Variants in CTNND2 observed in about 807,000 individuals in gnomAD.
The protein encoded by CTNND2 is catenin delta-2.
Under a neutral mutation model 144.4 loss-of-function variants are expected in CTNND2, and 22 were observed. That is an observed-to-expected ratio of 0.15 (90% CI 0.11 to 0.22). The LOEUF (loss-of-function observed/expected upper bound fraction) is 0.22. Among genes scored for constraint, CTNND2 ranks in the 10% least tolerant of loss-of-function variants. The pLI is 1.00. For synonymous variants in CTNND2, 751 were observed against 695.6 expected (o/e 1.08, Z -1.25); for missense variants, 1,353 against 1,618.8 (o/e 0.84, Z 2.82).
Position 11,027,610 on chromosome 5 carries a change from A to ATG in CTNND2, c.2789-4633_2789-4632dup, listed in dbSNP as rs142487986. ...CTTTGCTACCCTTTCCACTGTGTGT[A>ATG]TGTGTGTGTGTGTGTGTTTCCTTCA... On this transcript the variant is annotated intron_variant, in intron 16 of 21. Transcript: ENST00000304623. Among the ~76,000 whole-genome samples the ATG allele has an allele frequency of 1.6e-3, 240 of 151,320 alleles. No individual in the cohort carries two copies. The Middle Eastern group carries it at 0.017, about 11-fold the overall frequency.
intron 1 of CTNND2, among the ~76,000 whole-genome samples, chr5:11,738,839 T>C (rs545982024): frequency 6.6e-6 from 1 of 152,078 alleles, no homozygotes; most frequent in Non-Finnish European, 1.5e-5. Flanking sequence ...TTAGCTGCCC[T>C]CCCCTCTCTA....
In CTNND2 at chr5:11,384,482, A is replaced by G; in HGVS notation, c.1177+183T>C. On this transcript the variant is annotated intron_variant, in intron 7 of 21. Transcript: ENST00000304623. This position sits in a 1 kb window ranked among gnomAD's most constrained non-coding sequence, Gnocchi z 5.2. ...ACCACATTACTCCGGAAAAGAAGTC[A>G]CTGACAAACTGTAGGGAAGATACTG... is the stretch of plus-strand genomic sequence containing the variant. 1 of 599,044 alleles carries G rather than the reference A, an allele frequency of 1.7e-6. No homozygotes were observed. The highest frequency in any genetic ancestry group is 2.9e-6 in the Non-Finnish European group (1 of 340,554). 37.1% of individuals were successfully genotyped at this position (599,044 alleles called of 1,614,324 possible).
intron 9 of CTNND2, among the ~76,000 whole-genome samples, chr5:11,318,511 C>T (rs1396189599): frequency 6.6e-6 from 1 of 152,172 alleles, no homozygotes; most frequent in Non-Finnish European, 1.5e-5. Context: ...CAATCCTTAG[C>T]TCTTAGGCCC....
chr5:11,343,429 A>G (rs1754459332), intron 9 of CTNND2, among the ~76,000 whole-genome samples: 1 of 152,210 alleles, frequency 6.6e-6, no homozygotes, highest in African/African-American at 2.4e-5. Flanking sequence ...ACATCCAATA[A>G]GCAATCGATC....
At chr5:11,780,501 C>T (rs1790488735) in intron 1 of CTNND2, among the ~76,000 whole-genome samples, 1 of 152,176 alleles carries the variant, frequency 6.6e-6, no homozygotes, top group Admixed American at 6.5e-5. Flanking sequence ...TCTGCCCTCT[C>T]ACCTGGAGAG....
intron 10 of CTNND2, among the ~76,000 whole-genome samples, chr5:11,204,247 C>T (rs113280371): frequency 1.6e-3 from 243 of 152,302 alleles, no homozygotes; most frequent in African/African-American, 5.2e-3. Context: ...ACAGTGAGGG[C>T]ATTCTTGAAC....
chr5:11,603,917 T>G (rs1240083102), intron 2 of CTNND2, among the ~76,000 whole-genome samples: 3 of 152,214 alleles, frequency 2.0e-5, no homozygotes, highest in Non-Finnish European at 4.4e-5. Context: ...CAATTTTATC[T>G]CTTTTAAACA....
At chr5:11,705,285 T>C (rs1296646866) in intron 2 of CTNND2, among the ~76,000 whole-genome samples, 4 of 152,194 alleles carry the variant, frequency 2.6e-5, no homozygotes, top group African/African-American at 9.6e-5. Flanking sequence ...GTCTGAGCAC[T>C]ACGCCAGCCA....
chr5:11,509,789 A>G (rs546200503), intron 3 of CTNND2, among the ~76,000 whole-genome samples: 29 of 152,324 alleles, frequency 1.9e-4, no homozygotes, highest in African/African-American at 6.0e-4. Context: ...AGCTGTACCA[A>G]ACAGGTGCTA....
At chr5:11,054,471 G>A (rs1016345008) in intron 16 of CTNND2, among the ~76,000 whole-genome samples, 1 of 152,136 alleles carries the variant, frequency 6.6e-6, no homozygotes, top group African/African-American at 2.4e-5. Flanking sequence ...AGACAAGGGA[G>A]CAGTAAGAAG....
intron 1 of CTNND2, among the ~76,000 whole-genome samples, chr5:11,881,039 GTAC>G (rs561307219): frequency 4.2e-4 from 61 of 145,348 alleles, no homozygotes; most frequent in African/African-American, 1.5e-3. Flanking sequence ...ACTGCTACTA[GTAC>G]TACTACTACT....
At chr5:11,371,690 T>G (rs775388471) in intron 7 of CTNND2, among the ~76,000 whole-genome samples, 1 of 152,220 alleles carries the variant, frequency 6.6e-6, no homozygotes, top group Admixed American at 6.5e-5. Context: ...ATCAAGCCTA[T>G]CAACTGAATT....
At chr5:11,622,355 G>C (rs1321854234) in intron 2 of CTNND2, among the ~76,000 whole-genome samples, 1 of 151,956 alleles carries the variant, frequency 6.6e-6, no homozygotes, top group African/African-American at 2.4e-5. Context: ...CTTGATTGAG[G>C]GTAAGAAACT....
intron 3 of CTNND2, among the ~76,000 whole-genome samples, chr5:11,438,647 T>C (rs1041039585): frequency 6.6e-6 from 1 of 152,244 alleles, no homozygotes; most frequent in Non-Finnish European, 1.5e-5. Flanking sequence ...ATCTACAGTT[T>C]ATGAAAGGAG....
At chr5:11,192,312 C>T (rs1400511530) in intron 11 of CTNND2, among the ~76,000 whole-genome samples, 2 of 152,118 alleles carry the variant, frequency 1.3e-5, no homozygotes, top group African/African-American at 2.4e-5. Flanking sequence ...TGGCATCCCC[C>T]GACTAAATCC....
intron 9 of CTNND2, among the ~76,000 whole-genome samples, chr5:11,337,763 T>C (rs753906718): frequency 3.9e-5 from 6 of 152,186 alleles, no homozygotes; most frequent in Admixed American, 2.0e-4. Context: ...CTTAGCATTA[T>C]TGGGGACCTT....
In CTNND2 at chr5:11,697,117, T is replaced by G. The variant is rs192588030; in HGVS notation, c.174+35019A>C. 2.1e-4 allele frequency among the ~76,000 whole-genome samples: 32 copies of G among 152,316 alleles called. 1 individual carries two copies. The highest frequency in any genetic ancestry group is 7.2e-4 in the African/African-American group (30 of 41,574). On this transcript the variant is annotated intron_variant, in intron 2 of 21. Transcript: ENST00000304623. Reference sequence around the variant, plus strand: ...GGACAAATATCATTATGTATGTAAGTGATTAAAAATAGTGCCAGAATAAAT... The same window carrying G: ...GGACAAATATCATTATGTATGTAAGGGATTAAAAATAGTGCCAGAATAAAT...
intron 6 of CTNND2, among the ~76,000 whole-genome samples, chr5:11,395,215 T>A (rs1759978171): frequency 6.6e-6 from 1 of 152,214 alleles, no homozygotes; most frequent in Non-Finnish European, 1.5e-5. Flanking sequence ...GTTGAACGTT[T>A]CTCTGACATT....
intron 10 of CTNND2, among the ~76,000 whole-genome samples, chr5:11,216,413 G>C (rs1739204620): frequency 6.6e-6 from 1 of 152,238 alleles, no homozygotes; most frequent in Non-Finnish European, 1.5e-5. Context: ...AAGCCGAAGA[G>C]AGTGGCAGGA....
Sources: gnomAD v4.1 joint callset for allele counts (sites outside exome capture counted in the v4.1 genomes callset) on GRCh38, gnomAD v4.1.1 for gene constraint, Gnocchi (gnomAD v3.1) non-coding constraint, MANE v1.5 for transcripts, NCBI Gene and HGNC (gene_info 2026-07-23, HGNC 2026-07-21) for gene names.